PCDH9: variants seen among roughly 807,000 people sequenced by gnomAD.
The protein encoded by PCDH9 is protocadherin-9.
PCDH9 carries 24 observed loss-of-function variants against 70.6 expected under a neutral mutation model. That is an observed-to-expected ratio of 0.34 (90% CI 0.25 to 0.48). PCDH9 has a LOEUF of 0.48. PCDH9 is among the 20% of genes least tolerant of loss of function. The pLI is 0.99. For synonymous variants in PCDH9, 562 were observed against 558.5 expected, an observed-to-expected ratio of 1.01 and a Z score of -0.09; for missense variants, 1,281 against 1,503.6, an observed-to-expected ratio of 0.85 and a Z score of 2.45.
intron 2 of PCDH9, among the ~76,000 whole-genome samples, chr13:66,943,376 T>A (rs12871277): frequency 0.19 from 29,565 of 151,898 alleles, 3,238 homozygotes; most frequent in East Asian, 0.54. Context: ...GATTAGTAAA[T>A]CTCATTGGAA....
At chr13:66,538,751 A>C (rs1960814944) in intron 4 of PCDH9, among the ~76,000 whole-genome samples, 1 of 110,182 alleles carries the variant, frequency 9.1e-6, no homozygotes, top group Non-Finnish European at 2.2e-5. Flanking sequence ...AGTTTAATCA[A>C]GTATCTGGGT....
At chr13:66,768,329 TTATATAAGCCTAAGCATATA>T (rs915762715) in intron 3 of PCDH9, among the ~76,000 whole-genome samples, 113 of 152,188 alleles carry the variant, frequency 7.4e-4, no homozygotes, top group African/African-American at 2.6e-3. Flanking sequence ...TTATACTTAT[TTATATAAGCCTAAGCATATA>T]TAACAAAGCT....
At chr13:66,775,805 T>G (rs916375588) in intron 3 of PCDH9, among the ~76,000 whole-genome samples, 8 of 152,174 alleles carry the variant, frequency 5.3e-5, no homozygotes, top group Non-Finnish European at 1.2e-4. Flanking sequence ...TATGCATGAC[T>G]TCTCAACTGT....
At chr13:66,517,978 G>T (rs1008580108) in intron 4 of PCDH9, among the ~76,000 whole-genome samples, 12 of 152,040 alleles carry the variant, frequency 7.9e-5, no homozygotes, top group African/African-American at 2.7e-4. Context: ...TCCCGTGTTA[G>T]TTCATTCCTG....
intron 4 of PCDH9, among the ~76,000 whole-genome samples, chr13:66,573,422 T>A (rs542881080): frequency 2.6e-5 from 4 of 152,276 alleles, no homozygotes; most frequent in African/African-American, 9.6e-5. Context: ...CTTGCGTAAA[T>A]GTATTAACCC....
At chr13:66,318,646 G>T (rs1220579834) in intron 4 of PCDH9, among the ~76,000 whole-genome samples, 1 of 152,182 alleles carries the variant, frequency 6.6e-6, no homozygotes, top group Non-Finnish European at 1.5e-5. Context: ...GGCAGAGGGA[G>T]AAATTGCCAT....
chr13:66,984,037 A>C (rs1324894700), intron 2 of PCDH9, among the ~76,000 whole-genome samples: 2 of 152,134 alleles, frequency 1.3e-5, no homozygotes, highest in Non-Finnish European at 2.9e-5. Flanking sequence ...GATGCTCATA[A>C]TCATAGACAT....
At chr13:66,672,219 T>C (rs1028389451) in intron 3 of PCDH9, among the ~76,000 whole-genome samples, 1 of 152,236 alleles carries the variant, frequency 6.6e-6, no homozygotes, top group Admixed American at 6.5e-5. Flanking sequence ...TGGAATTATA[T>C]AGCCTACAGA....
intron 4 of PCDH9, among the ~76,000 whole-genome samples, chr13:66,571,923 T>C (rs1277940827): frequency 6.6e-6 from 1 of 152,122 alleles, no homozygotes; most frequent in Non-Finnish European, 1.5e-5. Context: ...AAATCTATAA[T>C]TTGTTGTAGT....
chr13:66,935,018 C>A (rs2082892705), intron 2 of PCDH9, among the ~76,000 whole-genome samples: 1 of 151,858 alleles, frequency 6.6e-6, no homozygotes. Flanking sequence ...CCGCGCCCGG[C>A]CGTGTTTGCA....
At chr13:66,799,205 T>C (rs1459618375) in intron 3 of PCDH9, among the ~76,000 whole-genome samples, 1 of 152,190 alleles carries the variant, frequency 6.6e-6, no homozygotes, top group African/African-American at 2.4e-5. Context: ...AGAAGCTCTG[T>C]GATTTATGTC....
intron 2 of PCDH9, among the ~76,000 whole-genome samples, chr13:66,943,040 G>A (rs2083030754): frequency 6.6e-6 from 1 of 152,008 alleles, no homozygotes; most frequent in Admixed American, 6.6e-5. Flanking sequence ...AATTTGAGGA[G>A]CATTATGACT....
Position 66,526,507 on chromosome 13 carries a change from A to ATCTC in PCDH9, c.3340+104699_3340+104702dup, listed in dbSNP as rs67724900. On this transcript the variant is annotated intron_variant, in intron 4 of 4. Coordinates refer to ENST00000377865, the MANE Select transcript of PCDH9 (RefSeq NM_203487.3). The stretch of plus-strand genomic sequence containing the variant: ...ATGTTTACTTATACAATGCTTTGAA[A>ATCTC]TCTCTCTCTCTCTCTCTCTCTCTCT... Among the ~76,000 whole-genome samples the ATCTC allele has an allele frequency of 5.1e-3, 758 of 149,222 alleles. 4 individuals are homozygous for ATCTC. Among genetic ancestry groups the ATCTC allele is most frequent in the African/African-American group, 0.013 (528 of 40,582 alleles).
chr13:67,197,199 C>A (rs938948842), intron 2 of PCDH9, among the ~76,000 whole-genome samples: 1 of 151,920 alleles, frequency 6.6e-6, no homozygotes, highest in Non-Finnish European at 1.5e-5. Flanking sequence ...CATATTTGCA[C>A]GTCTGGTAAT....
At chr13:66,480,404 A>G (rs1958815981) in intron 4 of PCDH9, among the ~76,000 whole-genome samples, 1 of 152,232 alleles carries the variant, frequency 6.6e-6, no homozygotes, top group South Asian at 2.1e-4. Flanking sequence ...ATTCTAGAGT[A>G]GTACATAAAC....
In PCDH9 at chr13:66,801,705, C is replaced by T. The variant is rs570888770; in HGVS notation, c.3138+101799G>A. On this transcript the variant is annotated intron_variant, in intron 3 of 4. Transcript: ENST00000377865. ...TTTCTGAATGTTCAGGATTAACTATCAGTTTTTGGTTATTTAAAAAATATT... is the reference window on the plus strand; with the variant it reads ...TTTCTGAATGTTCAGGATTAACTATTAGTTTTTGGTTATTTAAAAAATATT... 9.2e-5 allele frequency among the ~76,000 whole-genome samples: 14 copies of T among 152,048 alleles called. 1 individual carries two copies. The South Asian group carries it at 2.9e-3, about 32-fold the overall frequency.
chr13:67,122,997 C>G (rs1308243944), intron 2 of PCDH9, among the ~76,000 whole-genome samples: 1 of 151,950 alleles, frequency 6.6e-6, no homozygotes, highest in Non-Finnish European at 1.5e-5. Context: ...TAGAGCTAAT[C>G]AAAATTAGTG....
intron 2 of PCDH9, among the ~76,000 whole-genome samples, chr13:67,023,708 T>C (rs929653769): frequency 2.6e-5 from 4 of 152,080 alleles, no homozygotes; most frequent in Admixed American, 6.5e-5. Context: ...AGACTTGCAA[T>C]GGCTAACCAC....
chr13:66,516,826 C>G (rs142379158), intron 4 of PCDH9, among the ~76,000 whole-genome samples: 58 of 152,158 alleles, frequency 3.8e-4, no homozygotes, highest in African/African-American at 1.4e-3. Context: ...TCCTCCTCAT[C>G]AAAACCTTTA....
Sources: gnomAD v4.1 joint callset for allele counts (sites outside exome capture counted in the v4.1 genomes callset) on GRCh38, gnomAD v4.1.1 for gene constraint, MANE v1.5 for transcripts, NCBI Gene and HGNC (gene_info 2026-07-23, HGNC 2026-07-21) for gene names.